FTCDNL1: variants seen among roughly 807,000 people sequenced by gnomAD.
FTCDNL1 encodes formiminotransferase cyclodeaminase N-terminal like.
A neutral mutation model predicts 5.9 loss-of-function variants in FTCDNL1; 11 were observed. The ratio of observed to expected loss-of-function variants is 1.87; its 90% CI spans 1.18 to 3.10. The LOEUF is 3.10. Among genes scored for constraint, FTCDNL1 ranks in the 30% most tolerant of loss-of-function variants. The probability of loss-of-function intolerance (pLI) is 0.00; values close to 1 mark genes in which losing one functional copy is unlikely to be tolerated. For missense variants in FTCDNL1, 115 were observed against 65.5 expected, an observed-to-expected ratio of 1.76 and a Z score of -2.61; for synonymous variants, 58 against 24.8, an observed-to-expected ratio of 2.34 and a Z score of -3.99.
chr2:199,738,794 G>C, the FTCDNL1 span, among the ~76,000 whole-genome samples: 90,060 of 152,054 alleles, frequency 0.59, 30,206 homozygotes, highest in Non-Finnish European at 0.75. Flanking sequence ...TGAAGCAAAG[G>C]TGAAGACTGT....
chr2:199,665,988 C>T, the FTCDNL1 span, among the ~76,000 whole-genome samples: 1 of 152,072 alleles, frequency 6.6e-6, no homozygotes, highest in Non-Finnish European at 1.5e-5. Flanking sequence ...TTAGGAGTAA[C>T]AAAGGAGAAA....
chr2:199,773,325 A>G (rs944995826), intron 3 of FTCDNL1, among the ~76,000 whole-genome samples: 7 of 151,930 alleles, frequency 4.6e-5, no homozygotes, highest in African/African-American at 1.5e-4. Flanking sequence ...CCATTTTATT[A>G]CCAGTCCCCA....
chr2:199,680,078 T>C, the FTCDNL1 span, among the ~76,000 whole-genome samples: 1 of 152,090 alleles, frequency 6.6e-6, no homozygotes, highest in Admixed American at 6.5e-5. Flanking sequence ...AGCTAGATTG[T>C]AAAAAGGCCA....
chr2:199,809,974 T>C lies in FTCDNL1; in HGVS notation c.*2731A>G, dbSNP rs1700943597. Among the ~76,000 whole-genome samples, 1 of 152,144 alleles carries C rather than the reference T, an allele frequency of 6.6e-6. No individual in the cohort carries two copies. Among genetic ancestry groups the C allele is most frequent in the Non-Finnish European group, 1.5e-5 (1 of 68,030 alleles). ...ATTTTATTTTGCTGATAATATTTTT[T>C]TCCATAACAAAAGTATTTAGGCTAT... On this transcript the variant is annotated 3_prime_UTR_variant, in exon 5 of 5. Coordinates refer to ENST00000420128, the MANE Select transcript of FTCDNL1 (RefSeq NM_001363886.2).
intron 3 of FTCDNL1, among the ~76,000 whole-genome samples, chr2:199,803,739 C>T (rs1346667732): frequency 6.6e-6 from 1 of 152,198 alleles, no homozygotes; most frequent in African/African-American, 2.4e-5. Context: ...GCTGGGATTA[C>T]AGGCATGAGC....
At chr2:199,681,287 C>T in the FTCDNL1 span, among the ~76,000 whole-genome samples, 136 of 151,858 alleles carry the variant, frequency 9.0e-4, 2 homozygotes, top group East Asian at 0.025. Context: ...AACCCCATCT[C>T]TACTAATAAT....
rs975331073 is a variant in FTCDNL1, at chr2:199,789,378, T to C, written c.212-28543A>G. ...TCAATACATTAAGGGAGAAGAATTA[T>C]TGAAAATGTTAATAAATGCCAAGAT... is the stretch of plus-strand genomic sequence containing the variant. On this transcript the variant is annotated intron_variant, in intron 3 of 3. Coordinates refer to the FTCDNL1 transcript ENST00000416668. Among the ~76,000 whole-genome samples the C allele has an allele frequency of 2.6e-5, 4 of 152,284 alleles. No homozygotes were observed. The Middle Eastern group carries it at 0.01, about 388-fold the overall frequency.
intron 3 of FTCDNL1, among the ~76,000 whole-genome samples, chr2:199,836,233 T>C (rs186737617): frequency 1.3e-5 from 2 of 152,216 alleles, no homozygotes; most frequent in East Asian, 1.9e-4. Flanking sequence ...TAGCACATCA[T>C]GGCTCACTGC....
chr2:199,788,861 G>A (rs962898384), intron 3 of FTCDNL1, among the ~76,000 whole-genome samples: 2 of 152,064 alleles, frequency 1.3e-5, no homozygotes, highest in South Asian at 4.1e-4. Flanking sequence ...GATACAGACA[G>A]AGAAGAGATT....
At chr2:199,796,440 G>A (rs569494364) in intron 3 of FTCDNL1, among the ~76,000 whole-genome samples, 1 of 152,236 alleles carries the variant, frequency 6.6e-6, no homozygotes, top group East Asian at 1.9e-4. Flanking sequence ...CGTCACTGAA[G>A]TCAAAAATAT....
At chr2:199,693,163 C>G in the FTCDNL1 span, among the ~76,000 whole-genome samples, 1 of 152,168 alleles carries the variant, frequency 6.6e-6, no homozygotes, top group Non-Finnish European at 1.5e-5. Flanking sequence ...ATACTGTCAA[C>G]TTCAAGTACA....
chr2:199,694,135 C>T, the FTCDNL1 span, among the ~76,000 whole-genome samples: 2 of 152,128 alleles, frequency 1.3e-5, no homozygotes, highest in Non-Finnish European at 2.9e-5. Flanking sequence ...GCAAGTTGCC[C>T]TTGCCCCCTG....
chr2:199,832,288 G>T (rs1490965936), intron 3 of FTCDNL1, among the ~76,000 whole-genome samples: 2 of 151,950 alleles, frequency 1.3e-5, no homozygotes, highest in Non-Finnish European at 2.9e-5. Flanking sequence ...TCATTTTATT[G>T]TGTCCTGTGG....
chr2:199,809,026 T>C (rs1320248322), downstream of FTCDNL1, among the ~76,000 whole-genome samples: 1 of 152,216 alleles, frequency 6.6e-6, no homozygotes, highest in African/African-American at 2.4e-5. Flanking sequence ...CAGGTCTAAC[T>C]GGACAGCATT....
chr2:199,735,115 G>GGAAAAA, the FTCDNL1 span, among the ~76,000 whole-genome samples: 1 of 81,600 alleles, frequency 1.2e-5, no homozygotes, highest in Non-Finnish European at 2.4e-5. Context: ...ACTACCTTTA[G>GGAAAAA]AAAAAAAAAA....
the FTCDNL1 span, among the ~76,000 whole-genome samples, chr2:199,745,087 T>TGG: frequency 1.3e-5 from 2 of 152,352 alleles, no homozygotes; most frequent in South Asian, 2.1e-4. Context: ...TTTCCCCACA[T>TGG]GTCAGTCTAT....
chr2:199,807,894 C>T (rs1329760125), downstream of FTCDNL1, among the ~76,000 whole-genome samples: 3 of 152,050 alleles, frequency 2.0e-5, no homozygotes, highest in Admixed American at 6.6e-5. Flanking sequence ...TGTCTCCACC[C>T]AAATCTCATG....
At chr2:199,749,286 G>A in the FTCDNL1 span, among the ~76,000 whole-genome samples, 1 of 152,166 alleles carries the variant, frequency 6.6e-6, no homozygotes, top group Admixed American at 6.5e-5. Context: ...GTTTTTGAAT[G>A]AATAGATGTG....
chr2:199,799,441 T>G (rs747349532), intron 3 of FTCDNL1, among the ~76,000 whole-genome samples: 8 of 152,184 alleles, frequency 5.3e-5, no homozygotes, highest in African/African-American at 9.6e-5. Context: ...CTTCTGTAGA[T>G]GTGGCTACTT....
Sources: gnomAD v4.1 joint callset for allele counts (sites outside exome capture counted in the v4.1 genomes callset) on GRCh38, gnomAD v4.1.1 for gene constraint, MANE v1.5 for transcripts, NCBI Gene and HGNC (gene_info 2026-07-23, HGNC 2026-07-21) for gene names.